The following NIPSNAP2 variants were observed in gnomAD, a reference collection of about 807,000 sequenced individuals.
NIPSNAP2 encodes the protein nipsnap homolog 2, also known as protein NipSnap homolog 2.
Under a neutral mutation model 48.4 loss-of-function variants are expected in NIPSNAP2, and 42 were observed. The observed-to-expected ratio is 0.87, with a 90% CI of 0.68 to 1.12. The LOEUF (loss-of-function observed/expected upper bound fraction) is 1.12. NIPSNAP2 is among the 50% of genes most tolerant of loss of function. The pLI is 0.00. For synonymous variants in NIPSNAP2, 158 were observed against 126.6 expected (o/e 1.25, Z -1.67); for missense variants, 314 against 347.3 (o/e 0.90, Z 0.76).
chr7:55,987,004 A>AAAC (rs1562766925), intron 7 of NIPSNAP2, among the ~76,000 whole-genome samples: 2 of 143,982 alleles, frequency 1.4e-5, no homozygotes, highest in East Asian at 2.1e-4. Flanking sequence ...AAAAAAAAAA[A>AAAC]AAAAAACTTG....
rs1351104915 is a variant in NIPSNAP2 at position 55,981,465 on chromosome 7, T to C, written c.279-8T>C. 1.2e-6 allele frequency: 2 copies of C among 1,610,266 alleles called. No individual in the cohort carries two copies. Among genetic ancestry groups the C allele is most frequent in the Non-Finnish European group, 1.7e-6 (2 of 1,177,096 alleles). ...GTTTAATTAGTGTTGCTGTTTCTTC[T>C]CTTTAAGTCAAGAGGTGTTGCCAAA... On this transcript the variant is annotated splice_region_variant and splice_polypyrimidine_tract_variant and intron_variant, in intron 3 of 9. Coordinates refer to ENST00000322090, the MANE Select transcript of NIPSNAP2 (RefSeq NM_001483.3).
At chr7:55,975,897 G>GGGA (rs1441750622) in intron 1 of NIPSNAP2, among the ~76,000 whole-genome samples, 20 of 152,176 alleles carry the variant, frequency 1.3e-4, no homozygotes, top group South Asian at 4.1e-4. Context: ...AATTAGCCGT[G>GGGA]CACGGTGGCA....
intron 1 of NIPSNAP2, among the ~76,000 whole-genome samples, chr7:55,973,631 C>T (rs1049783263): frequency 1.3e-5 from 2 of 151,140 alleles, no homozygotes; most frequent in African/African-American, 2.4e-5. Flanking sequence ...TGTGCCACCA[C>T]ACCCAGCTAT....
chr7:55,995,892 T>G (rs1231649609), intron 8 of NIPSNAP2, among the ~76,000 whole-genome samples: 1 of 152,156 alleles, frequency 6.6e-6, no homozygotes, highest in African/African-American at 2.4e-5. Flanking sequence ...TGAAGATGAT[T>G]GCTTGAGGCC....
intron 8 of NIPSNAP2, among the ~76,000 whole-genome samples, chr7:55,995,735 TC>T (rs1787549251): frequency 1.3e-5 from 2 of 152,150 alleles, no homozygotes. Context: ...GGAGAGGGCC[TC>T]CCAGATGCAG....
intron 7 of NIPSNAP2, among the ~76,000 whole-genome samples, chr7:55,992,794 A>G (rs1787478125): frequency 6.6e-6 from 1 of 152,144 alleles, no homozygotes; most frequent in South Asian, 2.1e-4. Context: ...GCAGTGTGGT[A>G]TGGATTTACT....
intron 3 of NIPSNAP2, chr7:55,980,070 T>G (rs984356963): frequency 8.3e-5 from 21 of 252,150 alleles, no homozygotes; most frequent in Admixed American, 7.0e-4. Flanking sequence ...GGGTTGTCTA[T>G]TCCTGCTCAT....
At chr7:55,983,468 A>G (rs1787262788) in intron 5 of NIPSNAP2, among the ~76,000 whole-genome samples, 1 of 152,220 alleles carries the variant, frequency 6.6e-6, no homozygotes, top group African/African-American at 2.4e-5. Context: ...AAAATATAGC[A>G]AATTAAATTT....
chr7:55,968,495 C>T (rs973641251), intron 1 of NIPSNAP2, among the ~76,000 whole-genome samples: 2 of 151,710 alleles, frequency 1.3e-5, no homozygotes, highest in Non-Finnish European at 2.9e-5. Context: ...AAGTGATTCT[C>T]CTGTCTCAGC....
intron 7 of NIPSNAP2, among the ~76,000 whole-genome samples, chr7:55,993,264 A>T (rs1787486169): frequency 6.6e-6 from 1 of 150,634 alleles, no homozygotes; most frequent in African/African-American, 2.5e-5. Flanking sequence ...CCGCCACTGC[A>T]CTCCTGAGTG....
At chr7:55,992,109 T>A (rs1224073994) in intron 7 of NIPSNAP2, among the ~76,000 whole-genome samples, 1 of 152,080 alleles carries the variant, frequency 6.6e-6, no homozygotes, top group African/African-American at 2.4e-5. Flanking sequence ...TGTCATCTTA[T>A]TTGTGGATAA....
intron 1 of NIPSNAP2, among the ~76,000 whole-genome samples, chr7:55,974,882 G>C (rs957893214): frequency 1.4e-5 from 2 of 147,166 alleles, no homozygotes; most frequent in African/African-American, 2.5e-5. Flanking sequence ...TACTGTTGTA[G>C]AAAATCATCT....
intron 6 of NIPSNAP2, 89 bp from the exon 7 acceptor site, chr7:55,984,758 C>T: frequency 1.0e-6 from 1 of 976,456 alleles, no homozygotes; most frequent in Non-Finnish European, 1.6e-6. Context: ...TTAGTTTTGT[C>T]ACTTAATGTT....
chr7:55,982,346 C>T, intron 5 of NIPSNAP2, 66 bp downstream of exon 5: 4 of 937,212 alleles, frequency 4.3e-6, no homozygotes, highest in Non-Finnish European at 6.6e-6. Context: ...AATTAAATGA[C>T]TTTTCTGTCT....
intron 7 of NIPSNAP2, among the ~76,000 whole-genome samples, chr7:55,988,265 AT>A (rs1041426597): frequency 4.0e-4 from 61 of 151,944 alleles, no homozygotes; most frequent in African/African-American, 1.4e-3. Flanking sequence ...CAAAAAAAAA[AT>A]TTTTTTTTAA....
chr7:55,984,055 G>A (rs967115169), intron 6 of NIPSNAP2, among the ~76,000 whole-genome samples, 187 bp downstream of exon 6: 1 of 151,868 alleles, frequency 6.6e-6, no homozygotes, highest in African/African-American at 2.4e-5. Flanking sequence ...GCTTTTTATG[G>A]CCTTACACAT....
Position 55,978,354 on chromosome 7 carries a change from C to T in NIPSNAP2, c.237C>T (p.His79=). The T allele has an allele frequency of 6.2e-7, 1 of 1,613,554 alleles. No homozygotes were observed. Residue 79 remains histidine (H), a synonymous_variant, in exon 3 of 10, where the codon CAC becomes CAT. Coordinates refer to ENST00000322090, the MANE Select transcript of NIPSNAP2 (RefSeq NM_001483.3). ...ETSNLYKLQF[H]NVKPECLEAY... ...TTGAATTTTCTTTTGTTTCAGTTCA[C>T]AATGTTAAACCGGAATGCCTAGAAG...
chr7:55,976,850 G>A (rs1167443931), intron 1 of NIPSNAP2, among the ~76,000 whole-genome samples: 1 of 152,008 alleles, frequency 6.6e-6, no homozygotes, highest in Admixed American at 6.6e-5. Flanking sequence ...GTGAGCTATC[G>A]CACCACCACA....
chr7:55,995,169 T>A (rs1004836703), intron 8 of NIPSNAP2, among the ~76,000 whole-genome samples, 181 bp downstream of exon 8: 1 of 152,066 alleles, frequency 6.6e-6, no homozygotes. Context: ...GTCCATAGAT[T>A]GATGGCATTA....
Sources: gnomAD v4.1 joint callset for allele counts (sites outside exome capture counted in the v4.1 genomes callset) on GRCh38, gnomAD v4.1.1 for gene constraint, MANE v1.5 for transcripts, NCBI Gene and HGNC (gene_info 2026-07-23, HGNC 2026-07-21) for gene names.